Variants in TNFSF4 observed in about 807,000 individuals in gnomAD.
The protein encoded by TNFSF4 is tumor necrosis factor ligand superfamily member 4.
TNFSF4 carries 4 observed loss-of-function variants against 7.3 expected under a neutral mutation model. The observed-to-expected ratio is 0.55, with a 90% CI of 0.27 to 1.25. The LOEUF is 1.25. TNFSF4 is among the 50% of genes most tolerant of loss of function. The pLI, the probability that TNFSF4 is intolerant of heterozygous loss-of-function variation, is 0.12. For synonymous variants in TNFSF4, 76 were observed against 83.7 expected, an observed-to-expected ratio of 0.91 and a Z score of 0.50; for missense variants, 181 against 208.8, an observed-to-expected ratio of 0.87 and a Z score of 0.82.
intron 2 of TNFSF4, 36 bp from the exon 3 acceptor site, chr1:173,186,901 C>T (rs1224909187): frequency 3.8e-5 from 55 of 1,436,040 alleles, no homozygotes; most frequent in Non-Finnish European, 4.8e-5. Flanking sequence ...TTAATTAATT[C>T]CTAAGCATAG....
At chr1:173,302,469 A>T in the TNFSF4 span, among the ~76,000 whole-genome samples, 12 of 152,006 alleles carry the variant, frequency 7.9e-5, no homozygotes, top group East Asian at 1.8e-3. Flanking sequence ...CTTTGACCTC[A>T]TCTCCCATGA....
chr1:173,394,199 T>C, the TNFSF4 span, among the ~76,000 whole-genome samples: 2 of 101,164 alleles, frequency 2.0e-5, no homozygotes, highest in African/African-American at 8.7e-5. Flanking sequence ...CCTGGAAACA[T>C]AGCAAAACTC....
At chr1:173,228,997 A>G in the TNFSF4 span, among the ~76,000 whole-genome samples, 2 of 152,242 alleles carry the variant, frequency 1.3e-5, no homozygotes, top group Non-Finnish European at 2.9e-5. Flanking sequence ...CCAAGTTGGG[A>G]AACACTCTGC....
chr1:173,432,024 C>T, the TNFSF4 span, among the ~76,000 whole-genome samples: 3 of 152,156 alleles, frequency 2.0e-5, no homozygotes, highest in Admixed American at 6.5e-5. Context: ...TGAAGGAGGC[C>T]TTAAGGATTG....
At chr1:173,205,434 T>C (rs1257742974) in intron 1 of TNFSF4, 3 of 1,585,318 alleles carry the variant, frequency 1.9e-6, no homozygotes, top group South Asian at 1.1e-5. Context: ...CTCCTGGATA[T>C]TGATAGTCCA....
the TNFSF4 span, among the ~76,000 whole-genome samples, chr1:173,330,219 A>G: frequency 6.6e-6 from 1 of 152,100 alleles, no homozygotes; most frequent in South Asian, 2.1e-4. Flanking sequence ...AATGATTACC[A>G]TTCATGTTAA....
chr1:173,223,694 T>C, the TNFSF4 span, among the ~76,000 whole-genome samples: 122 of 152,226 alleles, frequency 8.0e-4, 2 homozygotes, highest in Non-Finnish European at 3.4e-4. Flanking sequence ...TTTGTTGCCC[T>C]GTCTTCCTTT....
the TNFSF4 span, among the ~76,000 whole-genome samples, chr1:173,385,545 C>A: frequency 2.6e-5 from 4 of 152,222 alleles, no homozygotes; most frequent in Non-Finnish European, 4.4e-5. Flanking sequence ...ATTGTTATTA[C>A]ATGAACAAGC....
the TNFSF4 span, chr1:173,362,624 G>A: frequency 4.1e-5 from 19 of 465,292 alleles, no homozygotes; most frequent in South Asian, 1.6e-4. Flanking sequence ...GCATGCTGCT[G>A]GTGATTAAAG....
the TNFSF4 span, among the ~76,000 whole-genome samples, chr1:173,256,118 A>G: frequency 2.6e-5 from 4 of 152,224 alleles, no homozygotes; most frequent in African/African-American, 7.2e-5. Flanking sequence ...AAACATATCA[A>G]TGAAGACTGG....
the TNFSF4 span, among the ~76,000 whole-genome samples, chr1:173,399,709 C>T: frequency 6.6e-6 from 1 of 152,124 alleles, no homozygotes; most frequent in Non-Finnish European, 1.5e-5. Flanking sequence ...ACAGGGTGAC[C>T]TATTCTGTTG....
At chr1:173,369,399 G>A in the TNFSF4 span, among the ~76,000 whole-genome samples, 1 of 152,300 alleles carries the variant, frequency 6.6e-6, no homozygotes, top group South Asian at 2.1e-4. Flanking sequence ...AGATTTTTGA[G>A]AATGCTTCGG....
At chr1:173,221,400 T>C in the TNFSF4 span, among the ~76,000 whole-genome samples, 1 of 152,116 alleles carries the variant, frequency 6.6e-6, no homozygotes, top group Non-Finnish European at 1.5e-5. Flanking sequence ...TCAGATAAGA[T>C]GTAAAGTGGC....
At chr1:173,293,144 A>T in the TNFSF4 span, among the ~76,000 whole-genome samples, 1 of 151,602 alleles carries the variant, frequency 6.6e-6, no homozygotes, top group Non-Finnish European at 1.5e-5. Flanking sequence ...GTGAAAAAAG[A>T]GCCAAAAGCC....
At chr1:173,210,495 G>A (rs553969245), upstream of TNFSF4, among the ~76,000 whole-genome samples, 24 of 152,282 alleles carry the variant, frequency 1.6e-4, no homozygotes, top group South Asian at 5.0e-3. Flanking sequence ...AGCTGAAGAG[G>A]AAGATGGTGA....
At chr1:173,272,746 G>A in the TNFSF4 span, among the ~76,000 whole-genome samples, 2 of 152,092 alleles carry the variant, frequency 1.3e-5, no homozygotes, top group African/African-American at 4.8e-5. Context: ...CTTTGCTCTT[G>A]CCCTGTCTGC....
Position 173,186,761 on chromosome 1 carries a change from T to C in TNFSF4, c.307A>G (p.Ile103Val), listed in dbSNP as rs1375753751. ...TGGGAGAAGTAGCCCTTCAGGGAGA[T>C]GAGATAAAACCCATCACAGTTGATG... ...VIINCDGFYL[I>V]SLKGYFSQEV... The change falls in exon 3 of 3, where the codon ATC (isoleucine) becomes GTC (valine). Residue 103 changes from isoleucine (I) to valine (V), a missense_variant. Transcript: ENST00000281834. The C allele has an allele frequency of 6.2e-7, 1 of 1,605,542 alleles. No individual in the cohort carries two copies. Among genetic ancestry groups the C allele is most frequent in the Non-Finnish European group, 8.5e-7 (1 of 1,172,228 alleles).
chr1:173,230,364 A>G, the TNFSF4 span, among the ~76,000 whole-genome samples: 1 of 152,228 alleles, frequency 6.6e-6, no homozygotes, highest in African/African-American at 2.4e-5. Flanking sequence ...AGAAATAAAG[A>G]TGTTCTTTGA....
At chr1:173,391,304 C>A in the TNFSF4 span, among the ~76,000 whole-genome samples, 1 of 84,640 alleles carries the variant, frequency 1.2e-5, no homozygotes, top group Non-Finnish European at 2.4e-5. Context: ...ATTTCTCTTT[C>A]TTTCTGTCTC....
Sources: allele counts gnomAD v4.1 joint callset (sites outside exome capture counted in the v4.1 genomes callset), GRCh38; gene constraint gnomAD v4.1.1; transcripts MANE v1.5; gene names NCBI Gene and HGNC (gene_info 2026-07-23, HGNC 2026-07-21).